CHRM2: variants seen among roughly 807,000 people sequenced by gnomAD.
The protein encoded by CHRM2 is cholinergic receptor muscarinic 2.
Under a neutral mutation model 25.0 loss-of-function variants are expected in CHRM2, and 8 were observed. The observed-to-expected ratio is 0.32, with a 90% CI of 0.19 to 0.58. The LOEUF (loss-of-function observed/expected upper bound fraction) is 0.58, where lower values mean the gene tolerates loss of function less well. Ranked by LOEUF, CHRM2 falls within the 20% of genes least tolerant of loss-of-function variation. The pLI is 0.88. For missense variants in CHRM2, 440 were observed against 567.1 expected, an observed-to-expected ratio of 0.78 and a Z score of 2.28; for synonymous variants, 202 against 205.7, an observed-to-expected ratio of 0.98 and a Z score of 0.15.
At chr7:136,960,362 C>T (rs1157612466) in intron 2 of CHRM2, among the ~76,000 whole-genome samples, 1 of 152,190 alleles carries the variant, frequency 6.6e-6, no homozygotes, top group East Asian at 1.9e-4. Flanking sequence ...GGATGTTTGG[C>T]TTCTCTCTTT....
chr7:136,929,585 T>C (rs2130772335), intron 2 of CHRM2, among the ~76,000 whole-genome samples: 1 of 152,224 alleles, frequency 6.6e-6, no homozygotes. Flanking sequence ...AGACTTATCT[T>C]TCCCACATAA....
chr7:136,900,629 G>A (rs1481686839), intron 2 of CHRM2, among the ~76,000 whole-genome samples: 2 of 152,038 alleles, frequency 1.3e-5, no homozygotes, highest in Non-Finnish European at 2.9e-5. Flanking sequence ...GAGGAGACTG[G>A]AGCTTACACA....
intron 2 of CHRM2, among the ~76,000 whole-genome samples, chr7:136,910,377 G>A (rs1427890224): frequency 6.6e-6 from 1 of 151,754 alleles, no homozygotes; most frequent in Non-Finnish European, 1.5e-5. Flanking sequence ...TTGAATTGAA[G>A]CCAAGTCATT....
intron 2 of CHRM2, among the ~76,000 whole-genome samples, chr7:136,974,747 C>T (rs1212494920): frequency 6.6e-6 from 1 of 152,096 alleles, no homozygotes. Flanking sequence ...ATTTTATTCT[C>T]TGTTAAATAA....
At chr7:136,890,420 C>T (rs1563047808) in intron 2 of CHRM2, among the ~76,000 whole-genome samples, 2 of 152,166 alleles carry the variant, frequency 1.3e-5, no homozygotes, top group African/African-American at 4.8e-5. Context: ...TGACCACTGG[C>T]TACCTTTCAA....
intron 2 of CHRM2, among the ~76,000 whole-genome samples, chr7:136,955,102 C>T (rs879782117): frequency 3.9e-5 from 6 of 152,102 alleles, no homozygotes; most frequent in South Asian, 4.1e-4. Flanking sequence ...ATAAATGAGC[C>T]GTAAAAGAGT....
At chr7:136,949,757 G>T (rs74934612) in intron 2 of CHRM2, among the ~76,000 whole-genome samples, 179 of 4,328 alleles carry the variant, frequency 0.041, 1 homozygote, top group South Asian at 0.22. Context: ...TTTTTTTTTT[G>T]GAGACAGAGT....
intron 2 of CHRM2, among the ~76,000 whole-genome samples, chr7:136,916,246 C>T (rs1798102641): frequency 6.6e-6 from 1 of 151,824 alleles, no homozygotes. Flanking sequence ...AGCAGCATAA[C>T]TAAAATCAAA....
At chr7:136,999,192 T>C (rs1043585956) in intron 3 of CHRM2, among the ~76,000 whole-genome samples, 3 of 152,112 alleles carry the variant, frequency 2.0e-5, no homozygotes, top group East Asian at 1.9e-4. Flanking sequence ...ACGATGTTTA[T>C]TACTGTTCAT....
chr7:136,951,387 T>C (rs1800405805), intron 2 of CHRM2, among the ~76,000 whole-genome samples: 1 of 152,160 alleles, frequency 6.6e-6, no homozygotes, highest in Non-Finnish European at 1.5e-5. Context: ...AGATATATAA[T>C]AGGCACTAGA....
At chr7:136,878,156 T>A (rs1796120540) in intron 2 of CHRM2, among the ~76,000 whole-genome samples, 1 of 151,956 alleles carries the variant, frequency 6.6e-6, no homozygotes, top group African/African-American at 2.4e-5. Context: ...AAATTCTACT[T>A]AATTGTGTTC....
At chr7:136,994,169 T>C (rs185147989) in intron 3 of CHRM2, among the ~76,000 whole-genome samples, 1 of 152,120 alleles carries the variant, frequency 6.6e-6, no homozygotes, top group African/African-American at 2.4e-5. Flanking sequence ...CTGACAGACC[T>C]TGGGGAAAAT....
intron 2 of CHRM2, among the ~76,000 whole-genome samples, chr7:136,898,314 C>T (rs1205558354): frequency 6.6e-6 from 1 of 152,064 alleles, no homozygotes; most frequent in African/African-American, 2.4e-5. Flanking sequence ...CTAGAAACTA[C>T]TCTTAATCTG....
intron 2 of CHRM2, among the ~76,000 whole-genome samples, chr7:136,907,161 A>C (rs1797601973): frequency 6.6e-6 from 1 of 151,898 alleles, no homozygotes; most frequent in Non-Finnish European, 1.5e-5. Context: ...ATACAGATGA[A>C]GCTTCGCTTG....
intron 2 of CHRM2, among the ~76,000 whole-genome samples, chr7:136,933,065 A>G (rs974676740): frequency 6.6e-6 from 1 of 151,948 alleles, no homozygotes; most frequent in African/African-American, 2.4e-5. Context: ...TAAATAAATA[A>G]TTTTTTTAAA....
chr7:137,014,938 T>C lies in CHRM2; in HGVS notation c.73T>C (p.Phe25Leu), dbSNP rs149688666. 9 of 1,613,300 alleles carry C rather than the reference T, an allele frequency of 5.6e-6. No homozygotes were observed. The highest frequency in any genetic ancestry group is 7.6e-6 in the Non-Finnish European group (9 of 1,179,560). The change falls in exon 4 of 4, where the codon TTT becomes CTT. Residue 25 changes from phenylalanine to leucine, a missense_variant. By Grantham distance (22) the Phe-to-Leu change is conservative. This residue lies in a region of CHRM2 where 86 missense variants were observed against 124.9 expected (regional missense o/e 0.69). Coordinates refer to ENST00000680005, the MANE Select transcript of CHRM2 (RefSeq NM_001006630.2). ...TSPYKTFEVVFIVLVAGSLSL... is the reference protein window; with the variant it reads ...TSPYKTFEVVLIVLVAGSLSL... ...TCCTTATAAGACATTTGAAGTGGTG[T>C]TTATTGTCCTGGTGGCTGGATCCCT...
chr7:136,878,127 A>T (rs187752103), intron 2 of CHRM2, among the ~76,000 whole-genome samples: 2 of 152,008 alleles, frequency 1.3e-5, no homozygotes, highest in African/African-American at 4.8e-5. Context: ...AACCAGCATG[A>T]AAATAGAAAG....
chr7:137,007,341 C>T (rs1232887341), intron 3 of CHRM2, among the ~76,000 whole-genome samples: 1 of 152,138 alleles, frequency 6.6e-6, no homozygotes, highest in Non-Finnish European at 1.5e-5. Context: ...TCCTACTTCA[C>T]TTCTATCCCC....
intron 3 of CHRM2, among the ~76,000 whole-genome samples, chr7:137,000,379 T>C (rs1425393413): frequency 2.0e-5 from 3 of 151,420 alleles, no homozygotes; most frequent in Non-Finnish European, 4.4e-5. Flanking sequence ...TTTGTTTTTT[T>C]AGTAGAGACG....
Sources: allele counts gnomAD v4.1 joint callset (sites outside exome capture counted in the v4.1 genomes callset), GRCh38; gene constraint gnomAD v4.1.1; regional missense constraint gnomAD v4.1.1; transcripts MANE v1.5; gene names NCBI Gene and HGNC (gene_info 2026-07-23, HGNC 2026-07-21).